The following KIAA1614 variants were observed in gnomAD, a reference collection of about 807,000 sequenced individuals.
KIAA1614 encodes uncharacterized protein KIAA1614.
KIAA1614 carries 76 observed loss-of-function variants against 88.7 expected under a neutral mutation model. The ratio of observed to expected loss-of-function variants is 0.86; its 90% CI spans 0.71 to 1.04. The LOEUF (loss-of-function observed/expected upper bound fraction) is 1.04, where lower values mean the gene tolerates loss of function less well. Ranked by LOEUF, KIAA1614 falls within the 50% of genes least tolerant of loss-of-function variation. KIAA1614 has a pLI of 0.00. For synonymous variants in KIAA1614, 714 were observed against 675.5 expected (o/e 1.06, Z -0.88); for missense variants, 1,553 against 1,582.5 (o/e 0.98, Z 0.32).
rs140770912 is a variant in KIAA1614 at position 180,922,223 on chromosome 1, G to A, written c.1061+4309G>A. On this transcript the variant is annotated intron_variant, in intron 3 of 8. Transcript: ENST00000367588. The stretch of plus-strand genomic sequence containing the variant: ...GTGTCTGCAGGGGCTTTAGTTACAG[G>A]GAGAAGGGAGCAGAGAAGGTCTCGG... Among the ~76,000 whole-genome samples, 1,384 of 152,344 alleles carry A rather than the reference G, an allele frequency of 9.1e-3. 18 individuals carry two copies. The highest frequency in any genetic ancestry group is 0.032 in the African/African-American group (1,319 of 41,568).
In KIAA1614 at chr1:180,917,903, C is replaced by A; in HGVS notation, c.1050C>A (p.Ser350=). 6.2e-7 allele frequency: 1 copy of A among 1,613,808 alleles called. No individual in the cohort carries two copies. Among genetic ancestry groups the A allele is most frequent in the Non-Finnish European group, 8.5e-7 (1 of 1,179,838 alleles). ...DWASGTSLQD[S]GQNRTVGPNP... is the part of the protein sequence containing the mutation. ...CCTCGGGCACCTCCTTGCAGGACTC[C>A]GGCCAGAACAGGTAAGAGCTCAGAG... Residue 350 remains serine (S), a synonymous_variant, in exon 3 of 9, where the codon TCC becomes TCA. Transcript: ENST00000367588.
intron 3 of KIAA1614, among the ~76,000 whole-genome samples, chr1:180,925,503 C>T (rs549875420): frequency 2.5e-4 from 38 of 152,394 alleles, no homozygotes; most frequent in Non-Finnish European, 4.9e-4. Flanking sequence ...GGGTTAAACA[C>T]AGACTCGCTG....
intron 1 of KIAA1614, among the ~76,000 whole-genome samples, chr1:180,915,270 CA>C (rs1653752814): frequency 6.6e-6 from 1 of 152,186 alleles, no homozygotes; most frequent in Admixed American, 6.5e-5. Flanking sequence ...CATCAGGGGT[CA>C]GGGGTGAGGT....
In KIAA1614 at chr1:180,916,875, T is replaced by A; in HGVS notation, c.772T>A (p.Ser258Thr). 2 of 1,614,232 alleles carry A rather than the reference T, an allele frequency of 1.2e-6. No homozygotes were observed. The highest frequency in any genetic ancestry group is 1.7e-6 in the Non-Finnish European group (2 of 1,180,048). ...GACAGAGGCAGATCTGGATAGCACA[T>A]CCCTGACCTCCGAGGAGGTCTTTGT... ...VVTEADLDST[S>T]LTSEEVFVPR... The change falls in exon 2 of 9, where the codon TCC becomes ACC. Residue 258 changes from serine to threonine, a missense_variant. Coordinates refer to ENST00000367588, the MANE Select transcript of KIAA1614 (RefSeq NM_020950.2).
chr1:180,927,689 T>G (rs755568580), intron 3 of KIAA1614, among the ~76,000 whole-genome samples: 8 of 152,198 alleles, frequency 5.3e-5, no homozygotes, highest in Non-Finnish European at 1.0e-4. Flanking sequence ...TTTCTGCCAC[T>G]CTGGACTGGC....
Position 180,928,423 on chromosome 1 carries a change from G to C in KIAA1614, c.1062-7G>C, listed in dbSNP as rs373003915. The C allele has an allele frequency of 3.8e-6, 6 of 1,595,270 alleles. No individual in the cohort carries two copies. The highest frequency in any genetic ancestry group is 1.3e-5 in the African/African-American group (1 of 74,318). ...CCCACCACCCTGGCCTGTGTGCCAC[G>C]CTGCAGGACCGTTGGTCCCAACCCG... On this transcript the variant is annotated splice_region_variant and splice_polypyrimidine_tract_variant and intron_variant, in intron 3 of 8. Coordinates refer to ENST00000367588, the MANE Select transcript of KIAA1614 (RefSeq NM_020950.2).
Position 180,945,647 on chromosome 1 carries a change from AG to A in KIAA1614, c.*63del. On this transcript the variant is annotated 3_prime_UTR_variant, in exon 9 of 9. Coordinates refer to ENST00000367588, the MANE Select transcript of KIAA1614 (RefSeq NM_020950.2). ...ACTACAGGACTAGGCTTCTCCCCTC[AG>A]GGGCTCTTTCTGAATTGTCCAGGGC... The A allele has an allele frequency of 1.3e-6, 2 of 1,509,668 alleles. No homozygotes were observed. Among genetic ancestry groups the A allele is most frequent in the Non-Finnish European group, 1.8e-6 (2 of 1,137,018 alleles). The allele number at this position is 1,509,668 out of a possible 1,614,324, so 93.5% of individuals were successfully genotyped here.
intron 1 of KIAA1614, among the ~76,000 whole-genome samples, chr1:180,914,751 A>T (rs886577183): frequency 5.6e-5 from 8 of 142,474 alleles, no homozygotes; most frequent in African/African-American, 8.0e-5. Flanking sequence ...TATTTTTTTT[A>T]TTTTTGAGAC....
Position 180,938,694 on chromosome 1 carries a change from A to G in KIAA1614, c.2901A>G (p.Gly967=), listed in dbSNP as rs752299441. 6.2e-7 allele frequency: 1 copy of G among 1,614,092 alleles called. No homozygotes were observed. The highest frequency in any genetic ancestry group is 8.5e-7 in the Non-Finnish European group (1 of 1,179,974). ...TGCAGAGGACAGGGTCAGGATCTGG[A>G]GGACATGTGCTGTCAAGGTGAGTGA... ...GSLQRTGSGS[G]GHVLSRASAG... Residue 967 remains glycine, a synonymous_variant, in exon 6 of 9, where the codon GGA becomes GGG. Transcript: ENST00000367588.
At chr1:180,915,612 AT>A (rs1159026057) in intron 1 of KIAA1614, among the ~76,000 whole-genome samples, 4 of 152,140 alleles carry the variant, frequency 2.6e-5, no homozygotes, top group African/African-American at 9.7e-5. Flanking sequence ...AATGACTTGC[AT>A]TTTTTTAAAA....
intron 6 of KIAA1614, 93 bp downstream of exon 6, chr1:180,938,804 C>A (rs1654390502): frequency 3.4e-6 from 4 of 1,180,194 alleles, no homozygotes; most frequent in Non-Finnish European, 4.8e-6. Flanking sequence ...TGGCATGACC[C>A]ACCTCCCTGC....
intron 3 of KIAA1614, among the ~76,000 whole-genome samples, chr1:180,921,543 G>GC (rs1027442437): frequency 2.0e-5 from 3 of 152,162 alleles, no homozygotes; most frequent in African/African-American, 7.2e-5. Context: ...CCCAAGGGCT[G>GC]CGCTCTTGCC....
Position 180,950,244 on chromosome 1 carries a change from C to A in KIAA1614, c.*4656C>A. 1.2e-6 allele frequency: 1 copy of A among 836,670 alleles called. No individual in the cohort carries two copies. Among genetic ancestry groups the A allele is most frequent in the Non-Finnish European group, 1.6e-6 (1 of 642,608 alleles). The allele number at this position is 836,670 out of a possible 1,614,324, so 51.8% of individuals were successfully genotyped here. On this transcript the variant is annotated 3_prime_UTR_variant, in exon 9 of 9. Transcript: ENST00000367588. ...CTGGTATGAGCACCTCCTCCCTGTGCCACACAAACAGCACCTCATCAACAT... is the reference window on the plus strand; with the variant it reads ...CTGGTATGAGCACCTCCTCCCTGTGACACACAAACAGCACCTCATCAACAT...
At chr1:180,934,890 G>A (rs1485374291) in intron 4 of KIAA1614, among the ~76,000 whole-genome samples, 1 of 152,194 alleles carries the variant, frequency 6.6e-6, no homozygotes, top group East Asian at 1.9e-4. Flanking sequence ...CACGGAAGGT[G>A]GCCTTGGTTT....
In KIAA1614 at chr1:180,913,071, A is replaced by C; in HGVS notation, c.-173A>C. Reference sequence around the variant, plus strand: ...CCCGGGGGCTGCCAGCAGAGCCGGGAGCTGGCCCGGCCTCGGCGCCGTCCC... The same window carrying C: ...CCCGGGGGCTGCCAGCAGAGCCGGGCGCTGGCCCGGCCTCGGCGCCGTCCC... On this transcript the variant is annotated 5_prime_UTR_variant, in exon 1 of 9. Coordinates refer to ENST00000367588, the MANE Select transcript of KIAA1614 (RefSeq NM_020950.2). The C allele has an allele frequency of 1.7e-5, 6 of 355,720 alleles. No homozygotes were observed. Among genetic ancestry groups the C allele is most frequent in the Middle Eastern group, 7.8e-4 (1 of 1,274 alleles). The allele number at this position is 355,720 out of a possible 1,614,324, so 22.0% of individuals were successfully genotyped here.
rs761854753 is a variant in KIAA1614 at position 180,916,202 on chromosome 1, A to G, written c.99A>G (p.Ser33=). 1 of 1,605,606 alleles carries G rather than the reference A, an allele frequency of 6.2e-7. No individual in the cohort carries two copies. The highest frequency in any genetic ancestry group is 8.5e-7 in the Non-Finnish European group (1 of 1,176,384). The change falls in exon 2 of 9, where the codon TCA becomes TCG. Residue 33 remains serine, a synonymous_variant. Transcript: ENST00000367588. ...SGTASPVEGT[S]AVEWSGPEPQ... ...CAGCCAGCCCCGTGGAGGGGACCTCAGCTGTGGAGTGGAGTGGTCCTGAGC... is the reference window on the plus strand; with the variant it reads ...CAGCCAGCCCCGTGGAGGGGACCTCGGCTGTGGAGTGGAGTGGTCCTGAGC...
At chr1:180,945,265 T>A (rs771895249) in intron 8 of KIAA1614, 38 bp from the exon 9 acceptor site, 1 of 1,558,502 alleles carries the variant, frequency 6.4e-7, no homozygotes, top group South Asian at 1.2e-5. Context: ...CAGTGCCTGA[T>A]GCTTTTTGCC....
chr1:180,928,462 G>A lies in KIAA1614; in HGVS notation c.1094G>A (p.Ser365Asn). The A allele has an allele frequency of 6.2e-7, 1 of 1,613,308 alleles. No homozygotes were observed. Among genetic ancestry groups the A allele is most frequent in the Non-Finnish European group, 8.5e-7 (1 of 1,179,896 alleles). ...TVGPNPEPVL[S>N]PRHEEATHLL... ...GGTCCCAACCCGGAGCCTGTGCTGA[G>A]CCCCAGGCATGAGGAAGCCACGCAT... The change falls in exon 4 of 9, where the codon AGC becomes AAC. Residue 365 changes from serine to asparagine, a missense_variant. Physicochemically the swap from Ser to Asn is conservative, Grantham distance 46. Transcript: ENST00000367588.
At chr1:180,917,456 G>A (rs1305234003) in intron 2 of KIAA1614, among the ~76,000 whole-genome samples, 3 of 128,282 alleles carry the variant, frequency 2.3e-5, no homozygotes, top group Non-Finnish European at 5.2e-5. Flanking sequence ...CTTAGTGAGG[G>A]CCCTCTGGTG....
Sources: gnomAD v4.1 joint callset for allele counts (sites outside exome capture counted in the v4.1 genomes callset) on GRCh38, gnomAD v4.1.1 for gene constraint, MANE v1.5 for transcripts, NCBI Gene and HGNC (gene_info 2026-07-23, HGNC 2026-07-21) for gene names.